Variants in PURG observed in about 807,000 individuals in gnomAD.
The protein encoded by PURG is purine rich element binding protein G, also known as purine-rich element-binding protein gamma.
In PURG, 3 loss-of-function variants were observed where a neutral mutation model predicts 24.3. That is an observed-to-expected ratio of 0.12 (90% confidence interval 0.06 to 0.32). The LOEUF is 0.32. Among genes scored for constraint, PURG ranks in the 10% least tolerant of loss-of-function variants. PURG has a pLI of 1.00. For missense variants in PURG, 371 were observed against 439.1 expected, an observed-to-expected ratio of 0.84 and a Z score of 1.39; for synonymous variants, 180 against 173.1, an observed-to-expected ratio of 1.04 and a Z score of -0.31.
intron 1 of PURG, among the ~76,000 whole-genome samples, chr8:31,025,188 A>G (rs1000542795): frequency 3.3e-5 from 5 of 151,990 alleles, no homozygotes; most frequent in South Asian, 4.1e-4. Context: ...AGTTTGAAAA[A>G]TATAATTTAC....
At chr8:31,015,161 G>A (rs1810836394) in intron 1 of PURG, among the ~76,000 whole-genome samples, 5 of 152,162 alleles carry the variant, frequency 3.3e-5, no homozygotes, top group Admixed American at 3.3e-4. Flanking sequence ...CAGGCTTGCG[G>A]GGGAAAGGAA....
At chr8:31,022,213 C>T (rs567201930) in intron 1 of PURG, among the ~76,000 whole-genome samples, 58 of 152,240 alleles carry the variant, frequency 3.8e-4, no homozygotes, top group African/African-American at 1.4e-3. Context: ...TTAAGTGATC[C>T]GCCCGCCTTG....
intron 1 of PURG, among the ~76,000 whole-genome samples, chr8:31,021,229 T>C (rs1217331403): frequency 6.6e-6 from 1 of 152,150 alleles, no homozygotes; most frequent in Non-Finnish European, 1.5e-5. Flanking sequence ...ATTGATAAGA[T>C]TTATTTTGAA....
chr8:31,031,840 T>C lies in PURG; in HGVS notation c.943A>G (p.Ile315Val), dbSNP rs1465069497. 6.3e-7 allele frequency: 1 copy of C among 1,594,754 alleles called. No individual in the cohort carries two copies. The highest frequency in any genetic ancestry group is 1.8e-5 in the Admixed American group (1 of 56,352). The change falls in exon 2 of 2, where the codon ATC (isoleucine) becomes GTC (valine). Residue 315 changes from isoleucine (I) to valine (V), a missense_variant. Transcript: ENST00000523392. Reference protein sequence around the residue: ...KAWTRFGENFIKYEEEMRKIC... With the variant: ...KAWTRFGENFVKYEEEMRKIC... Reference sequence around the variant, plus strand: ...TTCCTCATCTCTTCTTCATACTTGATAAAATTCTCCCCAAACCTTGTCCAA... The same window carrying C: ...TTCCTCATCTCTTCTTCATACTTGACAAAATTCTCCCCAAACCTTGTCCAA...
At chr8:31,022,705 AT>A (rs1286153003) in intron 1 of PURG, among the ~76,000 whole-genome samples, 2 of 152,238 alleles carry the variant, frequency 1.3e-5, no homozygotes, top group Non-Finnish European at 2.9e-5. Flanking sequence ...TTTACAACTG[AT>A]TATAACATGA....
intron 1 of PURG, among the ~76,000 whole-genome samples, chr8:31,011,620 T>A (rs967091326): frequency 6.6e-6 from 1 of 152,066 alleles, no homozygotes; most frequent in Non-Finnish European, 1.5e-5. Flanking sequence ...ACCAACAAAC[T>A]GTCTAGCACA....
chr8:31,008,652 C>A (rs1175706835), intron 1 of PURG, among the ~76,000 whole-genome samples: 3 of 152,142 alleles, frequency 2.0e-5, no homozygotes, highest in African/African-American at 7.2e-5. Flanking sequence ...TCTGTGAGGG[C>A]AGGGAACTTT....
chr8:31,008,582 G>C (rs1057326184), intron 1 of PURG, among the ~76,000 whole-genome samples: 11 of 152,202 alleles, frequency 7.2e-5, no homozygotes, highest in Non-Finnish European at 1.2e-4. Flanking sequence ...GATTACAGGC[G>C]TGAGCCACTG....
At chr8:31,012,538 A>C (rs1033215825) in intron 1 of PURG, among the ~76,000 whole-genome samples, 1 of 152,220 alleles carries the variant, frequency 6.6e-6, no homozygotes, top group Non-Finnish European at 1.5e-5. Flanking sequence ...CAGATGAGAG[A>C]CGAAACCAAG....
intron 1 of PURG, among the ~76,000 whole-genome samples, chr8:31,008,071 A>G (rs1290466751): frequency 6.6e-6 from 1 of 152,120 alleles, no homozygotes; most frequent in East Asian, 1.9e-4. Context: ...TATTTGACTG[A>G]AAACAGTTTT....
intron 1 of PURG, among the ~76,000 whole-genome samples, chr8:31,017,381 T>A (rs539258708): frequency 2.0e-5 from 3 of 151,348 alleles, no homozygotes; most frequent in Admixed American, 1.3e-4. Context: ...GTATGTTTAA[T>A]ATATATTACA....
At position 31,032,883 on chromosome 8, in the gene PURG, GC is replaced by G; in HGVS notation, c.-6-96del. Reference sequence around the variant, plus strand: ...CGGCCTGACCGCCCCGCCGCCGCCCGCGACCCCCACGCCGGGCCCGGCTCCC... The same window carrying G: ...CGGCCTGACCGCCCCGCCGCCGCCCGGACCCCCACGCCGGGCCCGGCTCCC... On this transcript the variant is annotated intron_variant, in intron 1 of 1. Coordinates refer to ENST00000523392, the MANE Select transcript of PURG (RefSeq NM_001323311.2). This position sits in a 1 kb window ranked among gnomAD's most constrained non-coding sequence, Gnocchi z 5.9. The G allele has an allele frequency of 5.9e-6, 6 of 1,014,318 alleles. No individual in the cohort carries two copies. Among genetic ancestry groups the G allele is most frequent in the Non-Finnish European group, 7.5e-6 (6 of 796,236 alleles). The allele number at this position is 1,014,318 out of a possible 1,614,324, so 62.8% of individuals were successfully genotyped here.
chr8:30,996,999 CAT>C (rs1382880359), intron 1 of PURG, among the ~76,000 whole-genome samples: 2 of 151,786 alleles, frequency 1.3e-5, no homozygotes, highest in Admixed American at 6.6e-5. Flanking sequence ...TATGCAGACA[CAT>C]GAATCAATCA....
chr8:31,029,818 CTACA>C (rs1811159609), downstream of PURG, among the ~76,000 whole-genome samples: 1 of 151,814 alleles, frequency 6.6e-6, no homozygotes, highest in African/African-American at 2.4e-5. Context: ...TTTAGCAAGC[CTACA>C]TAGTTATTTT....
rs2005383 is a variant in PURG, at chr8:31,032,903, G to C, written c.-6-115C>G. On this transcript the variant is annotated intron_variant, in intron 1 of 1. Transcript: ENST00000523392. This position sits in a 1 kb window ranked among gnomAD's most constrained non-coding sequence, Gnocchi z 5.9. ...CGCCCGCGACCCCCACGCCGGGCCC[G>C]GCTCCCCCGGCGCCGCAGCGCGGGG... is the stretch of plus-strand genomic sequence containing the variant. 2 of 766,218 alleles carry C rather than the reference G, an allele frequency of 2.6e-6. No individual in the cohort carries two copies. Among genetic ancestry groups the C allele is most frequent in the East Asian group, 4.1e-5 (1 of 24,114 alleles). 47.5% of individuals were successfully genotyped at this position (766,218 alleles called of 1,614,324 possible).
chr8:31,002,598 C>T (rs908189692), intron 1 of PURG, among the ~76,000 whole-genome samples: 2 of 152,168 alleles, frequency 1.3e-5, no homozygotes, highest in Admixed American at 6.5e-5. Context: ...ATTCTCCTGG[C>T]TCAGCCTCCC....
chr8:31,017,056 A>C (rs762959423), intron 1 of PURG, among the ~76,000 whole-genome samples: 1 of 152,226 alleles, frequency 6.6e-6, no homozygotes, highest in East Asian at 1.9e-4. Flanking sequence ...CAGGTGAGTC[A>C]CATGGTAGTT....
intron 1 of PURG, among the ~76,000 whole-genome samples, chr8:31,023,245 C>T (rs1811030435): frequency 6.6e-6 from 1 of 152,152 alleles, no homozygotes; most frequent in African/African-American, 2.4e-5. Context: ...TTTTGAACCA[C>T]CACCAGGGCA....
chr8:31,026,104 T>G (rs1285488679), downstream of PURG, among the ~76,000 whole-genome samples: 2 of 152,000 alleles, frequency 1.3e-5, no homozygotes, highest in Non-Finnish European at 2.9e-5. Context: ...AAATATACCT[T>G]TTTACTATAG....
Sources: allele counts gnomAD v4.1 joint callset (sites outside exome capture counted in the v4.1 genomes callset), GRCh38; gene constraint gnomAD v4.1.1; non-coding constraint Gnocchi (gnomAD v3.1); transcripts MANE v1.5; gene names NCBI Gene and HGNC (gene_info 2026-07-23, HGNC 2026-07-21).